TMEM132D: variants seen among roughly 807,000 people sequenced by gnomAD.
TMEM132D encodes the protein mature OL transmembrane protein.
TMEM132D carries 21 observed loss-of-function variants against 62.3 expected under a neutral mutation model. The ratio of observed to expected loss-of-function variants is 0.34; its 90% CI spans 0.24 to 0.49. The LOEUF (loss-of-function observed/expected upper bound fraction) is 0.49, where lower values mean the gene tolerates loss of function less well. TMEM132D is among the 20% of genes least tolerant of loss of function. The probability of loss-of-function intolerance (pLI) is 0.99; values close to 1 mark genes in which losing one functional copy is unlikely to be tolerated. For synonymous variants in TMEM132D, 621 were observed against 575.6 expected, an observed-to-expected ratio of 1.08 and a Z score of -1.13; for missense variants, 1,346 against 1,402.8, an observed-to-expected ratio of 0.96 and a Z score of 0.65.
intron 5 of TMEM132D, among the ~76,000 whole-genome samples, chr12:129,198,206 G>T (rs913828160): frequency 3.3e-5 from 5 of 152,062 alleles, no homozygotes; most frequent in African/African-American, 1.2e-4. Flanking sequence ...TAACGAAAAG[G>T]GAACTTTTGT....
At position 129,661,974 on chromosome 12, in the gene TMEM132D, C is replaced by G. The variant is rs191146547; in HGVS notation, c.968+37836G>C. 5.5e-3 allele frequency among the ~76,000 whole-genome samples: 835 copies of G among 152,122 alleles called. 3 individuals carry two copies. The highest frequency in any genetic ancestry group is 0.034 in the Middle Eastern group (10 of 294). ...TTTAATAAACAGAAAAATGATTAAG[C>G]CTTGATTATTTAATTGATCTGTGGT... On this transcript the variant is annotated intron_variant, in intron 2 of 8. Transcript: ENST00000422113.
At chr12:129,330,133 T>C (rs1270081386) in intron 4 of TMEM132D, among the ~76,000 whole-genome samples, 1 of 152,144 alleles carries the variant, frequency 6.6e-6, no homozygotes. Context: ...GATTACATGA[T>C]TGTAATCCCA....
intron 4 of TMEM132D, among the ~76,000 whole-genome samples, chr12:129,270,622 A>G (rs924980551): frequency 1.3e-5 from 2 of 152,184 alleles, no homozygotes; most frequent in Non-Finnish European, 2.9e-5. Flanking sequence ...AGTGCATTAC[A>G]TCCTTACAGT....
intron 5 of TMEM132D, among the ~76,000 whole-genome samples, chr12:129,090,782 G>A (rs1177353846): frequency 6.6e-6 from 1 of 152,196 alleles, no homozygotes; most frequent in African/African-American, 2.4e-5. Context: ...CATCGCTTGA[G>A]AATTCAGACA....
chr12:129,351,402 C>G (rs1195288709), intron 3 of TMEM132D, among the ~76,000 whole-genome samples: 2 of 152,226 alleles, frequency 1.3e-5, no homozygotes, highest in African/African-American at 2.4e-5. Context: ...ACTGCTGCAG[C>G]TTTCAATAAT....
At chr12:129,093,153 G>A (rs1177456366) in intron 5 of TMEM132D, among the ~76,000 whole-genome samples, 1 of 152,202 alleles carries the variant, frequency 6.6e-6, no homozygotes, top group Non-Finnish European at 1.5e-5. Flanking sequence ...ACATGCCACA[G>A]ATGGGCTTCG....
At chr12:129,150,949 G>A (rs866366314) in intron 5 of TMEM132D, among the ~76,000 whole-genome samples, 20 of 152,286 alleles carry the variant, frequency 1.3e-4, no homozygotes, top group African/African-American at 4.1e-4. Context: ...GGCTGGTGGT[G>A]GCCAGGCCTG....
chr12:129,627,099 C>G (rs1351589315), intron 2 of TMEM132D, among the ~76,000 whole-genome samples: 5 of 151,550 alleles, frequency 3.3e-5, no homozygotes, highest in Non-Finnish European at 5.9e-5. Flanking sequence ...GATGGCATCA[C>G]TACACCCAAA....
At position 129,074,318 on chromosome 12, in the gene TMEM132D, C is replaced by T. The variant is rs750082666; in HGVS notation, c.2857G>A (p.Glu953Lys). Residue 953 changes from glutamate to lysine, a missense_variant, in exon 9 of 9, where the codon GAG (glutamate) becomes AAG (lysine). Coordinates refer to ENST00000422113, the MANE Select transcript of TMEM132D (RefSeq NM_133448.3). Reference protein sequence around the residue: ...LKYRHKQVPFEEQEGMSHSHD... With the variant: ...LKYRHKQVPFKEQEGMSHSHD... ...GAGTGACTCATCCCTTCCTGCTCCT[C>T]GAAGGGAACCTGTTTGTGTCTGTAT... is the stretch of plus-strand genomic sequence containing the variant. 9.2e-5 allele frequency: 149 copies of T among 1,613,960 alleles called. No homozygotes were observed. Among genetic ancestry groups the T allele is most frequent in the Non-Finnish European group, 5.0e-5 (59 of 1,180,040 alleles).
intron 1 of TMEM132D, among the ~76,000 whole-genome samples, chr12:129,843,226 T>C (rs560082214): frequency 6.6e-6 from 1 of 152,208 alleles, no homozygotes; most frequent in Admixed American, 6.5e-5. Context: ...AAGACTGTTT[T>C]CCAAAATAAA....
At chr12:129,211,586 G>T (rs1013741) in intron 4 of TMEM132D, among the ~76,000 whole-genome samples, 85,584 of 152,004 alleles carry the variant, frequency 0.56, 24,850 homozygotes, top group East Asian at 0.87. Flanking sequence ...GATCTTATTT[G>T]TCATTTATGG....
At chr12:129,407,741 C>G (rs1214158712) in intron 3 of TMEM132D, among the ~76,000 whole-genome samples, 1 of 151,324 alleles carries the variant, frequency 6.6e-6, no homozygotes, top group Non-Finnish European at 1.5e-5. Flanking sequence ...CCTGTCTCTA[C>G]TAAAAAAAAA....
chr12:129,669,366 G>A (rs750875916), intron 2 of TMEM132D, among the ~76,000 whole-genome samples: 58 of 152,012 alleles, frequency 3.8e-4, no homozygotes, highest in Non-Finnish European at 6.9e-4. Context: ...ATTCTTTGTG[G>A]GTTAGAAGTC....
intron 2 of TMEM132D, among the ~76,000 whole-genome samples, chr12:129,573,695 C>T (rs1359823777): frequency 4.6e-5 from 7 of 151,994 alleles, no homozygotes; most frequent in Admixed American, 2.0e-4. Context: ...AAAAAGCCCA[C>T]GTGTCCACCA....
chr12:129,839,117 ATTTTTTTTTTTTTTTTT>A lies in TMEM132D; in HGVS notation c.79+64127_79+64143del, dbSNP rs71085578. Among the ~76,000 whole-genome samples the A allele has an allele frequency of 1.4e-3, 29 of 20,712 alleles. 2 individuals carry two copies. The highest frequency in any genetic ancestry group is 0.091 in the Middle Eastern group (2 of 22). The allele number at this position is 20,712 out of a possible 152,430, so 13.6% of individuals were successfully genotyped here. ...AGGCGTCCACCACCACGCCTGGCTA[ATTTTTTTTTTTTTTTTT>A]TTTTTTTTTTTTTTTGAGATGGAAT... On this transcript the variant is annotated intron_variant, in intron 1 of 8. Coordinates refer to ENST00000422113, the MANE Select transcript of TMEM132D (RefSeq NM_133448.3).
intron 1 of TMEM132D, among the ~76,000 whole-genome samples, chr12:129,757,242 C>G (rs1282173342): frequency 6.6e-6 from 1 of 152,046 alleles, no homozygotes; most frequent in Non-Finnish European, 1.5e-5. Flanking sequence ...GCTCGCAGAC[C>G]CTGTCATTAT....
intron 1 of TMEM132D, among the ~76,000 whole-genome samples, chr12:129,893,364 T>C (rs1724452124): frequency 6.6e-6 from 1 of 152,190 alleles, no homozygotes; most frequent in Non-Finnish European, 1.5e-5. Context: ...AAATCAGGAT[T>C]ATGATTTCTT....
intron 3 of TMEM132D, among the ~76,000 whole-genome samples, chr12:129,380,293 A>T (rs1003433103): frequency 3.3e-5 from 5 of 152,232 alleles, no homozygotes; most frequent in Non-Finnish European, 5.9e-5. Context: ...ACTTCCATTT[A>T]TTATAGGAAG....
intron 3 of TMEM132D, among the ~76,000 whole-genome samples, chr12:129,494,066 G>C (rs762636987): frequency 1.1e-3 from 166 of 152,274 alleles, no homozygotes; most frequent in Non-Finnish European, 1.5e-3. Context: ...TGAAAAGTGA[G>C]CATCCACGAA....
Sources: allele counts gnomAD v4.1 joint callset (sites outside exome capture counted in the v4.1 genomes callset), GRCh38; gene constraint gnomAD v4.1.1; transcripts MANE v1.5; gene names NCBI Gene and HGNC (gene_info 2026-07-23, HGNC 2026-07-21).